The following EPHA6 variants were observed in gnomAD, a reference collection of about 807,000 sequenced individuals.
EPHA6 encodes ephrin type-A receptor 6.
EPHA6 carries 50 observed loss-of-function variants against 112.0 expected under a neutral mutation model. The observed-to-expected ratio is 0.45, with a 90% confidence interval of 0.36 to 0.56. EPHA6 has a LOEUF of 0.56. Among genes scored for constraint, EPHA6 ranks in the 20% least tolerant of loss-of-function variants. The probability of loss-of-function intolerance (pLI) is 0.00; values close to 1 mark genes in which losing one functional copy is unlikely to be tolerated. For missense variants in EPHA6, 1,280 were observed against 1,417.4 expected (o/e 0.90, Z 1.56); for synonymous variants, 529 against 490.7 (o/e 1.08, Z -1.03).
In EPHA6 at chr3:97,541,039, A is replaced by G. The variant is rs527796286; in HGVS notation, c.2386+8496A>G. Among the ~76,000 whole-genome samples the G allele has an allele frequency of 4.6e-5, 7 of 152,290 alleles. No individual in the cohort carries two copies. In the South Asian group the frequency reaches 1.5e-3, roughly 32 times the overall value. On this transcript the variant is annotated intron_variant, in intron 11 of 17. Transcript: ENST00000389672. ...ACTGAGAAATCTTCACCAAGTTTCT[A>G]ATGGTCTTATGTAGGGCTGGATAAA... is the stretch of plus-strand genomic sequence containing the variant.
At chr3:97,471,391 G>A (rs1043657537) in intron 7 of EPHA6, among the ~76,000 whole-genome samples, 2 of 151,754 alleles carry the variant, frequency 1.3e-5, no homozygotes, top group Non-Finnish European at 3.0e-5. Context: ...GAAAATCCAT[G>A]AGCACAGTAA....
At chr3:97,280,634 A>G (rs1342465753) in intron 5 of EPHA6, among the ~76,000 whole-genome samples, 3 of 152,190 alleles carry the variant, frequency 2.0e-5, no homozygotes, top group Non-Finnish European at 4.4e-5. Flanking sequence ...TGGTGTGTCA[A>G]TAATTTGAAC....
At chr3:97,037,748 G>A (rs2045159262) in intron 3 of EPHA6, among the ~76,000 whole-genome samples, 1 of 152,170 alleles carries the variant, frequency 6.6e-6, no homozygotes, top group Non-Finnish European at 1.5e-5. Context: ...ATACTGGACA[G>A]AATAAAGGCA....
chr3:97,442,602 A>G (rs1452986407), intron 6 of EPHA6, among the ~76,000 whole-genome samples: 1 of 152,110 alleles, frequency 6.6e-6, no homozygotes, highest in Non-Finnish European at 1.5e-5. Flanking sequence ...TGAAGAACAA[A>G]CCAGAATATT....
chr3:97,208,410 A>G (rs1382682254), intron 3 of EPHA6, among the ~76,000 whole-genome samples: 1 of 152,162 alleles, frequency 6.6e-6, no homozygotes, highest in African/African-American at 2.4e-5. Context: ...AAAACTCAAA[A>G]TATCATTATG....
chr3:97,538,373 T>A (rs2092792056), intron 11 of EPHA6, among the ~76,000 whole-genome samples: 1 of 152,086 alleles, frequency 6.6e-6, no homozygotes, highest in African/African-American at 2.4e-5. Context: ...AGTAAAAAGA[T>A]GGAGAGGGAA....
chr3:97,608,325 T>A (rs1336369905), intron 12 of EPHA6, among the ~76,000 whole-genome samples: 2 of 151,294 alleles, frequency 1.3e-5, no homozygotes, highest in African/African-American at 4.8e-5. Context: ...CGAAGTACTG[T>A]ATATTCACAT....
intron 5 of EPHA6, among the ~76,000 whole-genome samples, chr3:97,347,299 TC>T (rs1673187571): frequency 6.6e-6 from 1 of 152,260 alleles, no homozygotes; most frequent in East Asian, 1.9e-4. Flanking sequence ...AGGAACGTGA[TC>T]TTTTCAGTAT....
intron 5 of EPHA6, among the ~76,000 whole-genome samples, chr3:97,330,429 A>G (rs2108818549): frequency 6.6e-6 from 1 of 152,212 alleles, no homozygotes; most frequent in East Asian, 1.9e-4. Context: ...TTTTCATGAT[A>G]TTGATTCTTC....
At chr3:97,166,367 TAAAAAAA>T (rs570227027) in intron 3 of EPHA6, among the ~76,000 whole-genome samples, 2 of 143,222 alleles carry the variant, frequency 1.4e-5, no homozygotes, top group African/African-American at 2.6e-5. Context: ...TACTTGTTTT[TAAAAAAA>T]AAAAAAAATA....
At chr3:96,961,224 C>A (rs923662748) in intron 2 of EPHA6, among the ~76,000 whole-genome samples, 3 of 152,206 alleles carry the variant, frequency 2.0e-5, no homozygotes, top group Admixed American at 2.0e-4. Flanking sequence ...CTTTTGTAGG[C>A]CCACAGACAG....
intron 14 of EPHA6, among the ~76,000 whole-genome samples, chr3:97,674,560 G>T (rs301962): frequency 0.064 from 9,802 of 152,192 alleles, 430 homozygotes; most frequent in Non-Finnish European, 0.094. Context: ...GTTTCTGCCA[G>T]TGTTGTAGCC....
Position 97,147,035 on chromosome 3 carries a change from G to A in EPHA6, c.1115-79229G>A, listed in dbSNP as rs547154948. 4.6e-5 allele frequency among the ~76,000 whole-genome samples: 7 copies of A among 152,040 alleles called. No homozygotes were observed. In the South Asian group the frequency reaches 8.3e-4, roughly 18 times the overall value. On this transcript the variant is annotated intron_variant, in intron 3 of 17. Transcript: ENST00000389672. ...CCATCCTCAACTCAAAAATTGAAAA[G>A]ATGTTGGCAAAGCACGCTGGCATCA...
chr3:96,869,552 G>A (rs2036518225), intron 2 of EPHA6, among the ~76,000 whole-genome samples: 1 of 152,024 alleles, frequency 6.6e-6, no homozygotes, highest in Non-Finnish European at 1.5e-5. Flanking sequence ...TTTGGCTGGA[G>A]TGGAGGTATA....
intron 11 of EPHA6, among the ~76,000 whole-genome samples, chr3:97,590,059 A>G (rs774587023): frequency 2.6e-5 from 4 of 152,218 alleles, no homozygotes; most frequent in African/African-American, 4.8e-5. Context: ...TTTCTCCTGA[A>G]TAAATTGTGA....
chr3:97,644,258 A>G (rs2094036863), intron 14 of EPHA6, among the ~76,000 whole-genome samples: 1 of 151,248 alleles, frequency 6.6e-6, no homozygotes, highest in South Asian at 2.1e-4. Context: ...AAGACACAAC[A>G]TACCAGAATC....
rs938752564 is a variant in EPHA6 at position 97,494,488 on chromosome 3, G to A, written c.2200+10429G>A. 6.6e-5 allele frequency among the ~76,000 whole-genome samples: 10 copies of A among 152,138 alleles called. No homozygotes were observed. The South Asian group carries it at 1.5e-3, about 22-fold the overall frequency. ...AACAAGAACTAGCCAATTTACCTTC[G>A]TGAGCTGTAATTTCCCTATCCGTGA... is the stretch of plus-strand genomic sequence containing the variant. On this transcript the variant is annotated intron_variant, in intron 10 of 17. Coordinates refer to ENST00000389672, the MANE Select transcript of EPHA6 (RefSeq NM_001080448.3).
intron 3 of EPHA6, among the ~76,000 whole-genome samples, chr3:97,154,521 T>G (rs374878436): frequency 4.6e-5 from 7 of 152,196 alleles, no homozygotes; most frequent in African/African-American, 1.7e-4. Context: ...AATGTTATAA[T>G]ATACATTACA....
chr3:97,625,852 G>A (rs2093852017), intron 13 of EPHA6, among the ~76,000 whole-genome samples: 1 of 151,658 alleles, frequency 6.6e-6, no homozygotes, highest in Non-Finnish European at 1.5e-5. Flanking sequence ...CAAAATCAAG[G>A]AACCTAGTGG....
Sources: gnomAD v4.1 joint callset for allele counts (sites outside exome capture counted in the v4.1 genomes callset) on GRCh38, gnomAD v4.1.1 for gene constraint, MANE v1.5 for transcripts, NCBI Gene and HGNC (gene_info 2026-07-23, HGNC 2026-07-21) for gene names.